Variants in TTC7B observed in about 807,000 individuals in gnomAD.
TTC7B encodes the protein tetratricopeptide repeat domain 7B.
Under a neutral mutation model 106.8 loss-of-function variants are expected in TTC7B, and 28 were observed. The observed-to-expected ratio is 0.26, with a 90% CI of 0.19 to 0.36. The LOEUF is 0.36. Among genes scored for constraint, TTC7B ranks in the 10% least tolerant of loss-of-function variants. TTC7B has a pLI of 1.00. For synonymous variants in TTC7B, 405 were observed against 430.6 expected, an observed-to-expected ratio of 0.94 and a Z score of 0.74; for missense variants, 862 against 1,076.4, an observed-to-expected ratio of 0.80 and a Z score of 2.79.
At chr14:90,755,532 A>T (rs933630288) in intron 3 of TTC7B, among the ~76,000 whole-genome samples, 2 of 152,164 alleles carry the variant, frequency 1.3e-5, no homozygotes, top group African/African-American at 4.8e-5. Flanking sequence ...GGTAGTGCAC[A>T]CATGTAGTCC....
intron 1 of TTC7B, among the ~76,000 whole-genome samples, chr14:90,790,375 G>A (rs1450926456): frequency 6.6e-6 from 1 of 151,424 alleles, no homozygotes; most frequent in Non-Finnish European, 1.5e-5. Flanking sequence ...TGAGTGGTAA[G>A]ACTATCCATC....
At chr14:90,763,730 T>C (rs1357566198) in intron 3 of TTC7B, among the ~76,000 whole-genome samples, 1 of 152,098 alleles carries the variant, frequency 6.6e-6, no homozygotes, top group Non-Finnish European at 1.5e-5. Context: ...CAATCTGAAA[T>C]TTAAAAAATA....
chr14:90,767,911 A>G (rs952728455), intron 3 of TTC7B, among the ~76,000 whole-genome samples: 11 of 152,238 alleles, frequency 7.2e-5, no homozygotes. Context: ...AGTGAAAAGT[A>G]CAATTATCAT....
intron 19 of TTC7B, among the ~76,000 whole-genome samples, chr14:90,553,698 G>C (rs146585052): frequency 1.3e-4 from 20 of 152,168 alleles, no homozygotes; most frequent in African/African-American, 4.6e-4. Context: ...AACAGCGCAC[G>C]CTCCCTCTCT....
At chr14:90,605,656 A>T in intron 17 of TTC7B, 2 of 1,289,340 alleles carry the variant, frequency 1.6e-6, no homozygotes, top group Non-Finnish European at 2.0e-6. Flanking sequence ...AGGGGGCCAC[A>T]CAAAGGTATC....
At chr14:90,699,079 T>A in intron 5 of TTC7B, 1 of 437,470 alleles carries the variant, frequency 2.3e-6, no homozygotes, top group South Asian at 1.6e-5. Context: ...TGGCGATAGG[T>A]TCCAGTTCCC....
intron 16 of TTC7B, 71 bp downstream of exon 16, chr14:90,617,858 A>C: frequency 8.3e-7 from 1 of 1,203,120 alleles, no homozygotes; most frequent in Non-Finnish European, 1.2e-6. Context: ...GCTAAATGCC[A>C]ATCAGAGAAG....
At chr14:90,695,368 T>C in intron 6 of TTC7B, 132 bp downstream of exon 6, 1 of 376,114 alleles carries the variant, frequency 2.7e-6, no homozygotes, top group Non-Finnish European at 4.8e-6. Context: ...GTATAATGCA[T>C]ATATGTCACA....
intron 5 of TTC7B, among the ~76,000 whole-genome samples, chr14:90,710,598 T>C (rs1323225650): frequency 2.6e-5 from 4 of 152,168 alleles, no homozygotes; most frequent in South Asian, 4.1e-4. Flanking sequence ...CACTTCATTG[T>C]TGTCTTATTT....
At chr14:90,686,505 C>T (rs966127313) in intron 7 of TTC7B, among the ~76,000 whole-genome samples, 1 of 152,106 alleles carries the variant, frequency 6.6e-6, no homozygotes, top group Non-Finnish European at 1.5e-5. Context: ...AAATAAAATG[C>T]ATCTAGGTTA....
At chr14:90,776,131 GC>G (rs1207883475) in intron 3 of TTC7B, among the ~76,000 whole-genome samples, 1 of 121,554 alleles carries the variant, frequency 8.2e-6, no homozygotes, top group East Asian at 2.6e-4. Flanking sequence ...GCAGGAGAGG[GC>G]CCCCCGTGAC....
chr14:90,766,135 G>GTTT (rs3085720), intron 3 of TTC7B, among the ~76,000 whole-genome samples: 4,978 of 143,388 alleles, frequency 0.035, 147 homozygotes, highest in African/African-American at 0.075. Flanking sequence ...AGCCTACAAC[G>GTTT]TTTTTTTTTT....
chr14:90,645,278 T>G (rs1885390026), intron 14 of TTC7B: 1 of 152,206 alleles, frequency 6.6e-6, no homozygotes, highest in Non-Finnish European at 1.5e-5. Context: ...CTTGATGGAT[T>G]TAGGTTATAA....
intron 1 of TTC7B, among the ~76,000 whole-genome samples, chr14:90,798,224 G>C (rs2030001041): frequency 6.6e-6 from 1 of 152,196 alleles, no homozygotes; most frequent in Non-Finnish European, 1.5e-5. Context: ...GCGTAAGAGA[G>C]CCCAGCCAAG....
chr14:90,615,873 A>T (rs1183787691), intron 16 of TTC7B, among the ~76,000 whole-genome samples: 1 of 152,042 alleles, frequency 6.6e-6, no homozygotes, highest in African/African-American at 2.4e-5. Flanking sequence ...ATTCTGAGTG[A>T]CCACTGGGGC....
intron 4 of TTC7B, among the ~76,000 whole-genome samples, chr14:90,736,010 G>A (rs773208691): frequency 2.4e-4 from 37 of 151,892 alleles, no homozygotes; most frequent in South Asian, 1.0e-3. Context: ...TGTCATGTTG[G>A]TACAACACAA....
Position 90,657,400 on chromosome 14 carries a change from C to CCCGCTTGCTTGGGCTTA in TTC7B, c.1237-123_1237-122insTAAGCCCAAGCAAGCGG. 1 of 854,736 alleles carries CCCGCTTGCTTGGGCTTA rather than the reference C, an allele frequency of 1.2e-6. No individual in the cohort carries two copies. The highest frequency in any genetic ancestry group is 1.8e-6 in the Non-Finnish European group (1 of 556,292). The allele number at this position is 854,736 out of a possible 1,614,324, so 52.9% of individuals were successfully genotyped here. ...TCGTGGGCTTGTCCAACTTTAAGCC[C>CCCGCTTGCTTGGGCTTA]AAGCAAGCGGGGGCCTGAGGTGCAT... is the stretch of plus-strand genomic sequence containing the variant. On this transcript the variant is annotated intron_variant, in intron 10 of 19. Coordinates refer to ENST00000328459, the MANE Select transcript of TTC7B (RefSeq NM_001010854.2). This position sits in a 1 kb window ranked among gnomAD's most constrained non-coding sequence, Gnocchi z 4.2.
chr14:90,654,914 G>T, intron 12 of TTC7B, 79 bp downstream of exon 12: 1 of 1,142,532 alleles, frequency 8.8e-7, no homozygotes, highest in South Asian at 1.3e-5. Flanking sequence ...GACAGAAGGG[G>T]ACTGTGGGAA....
rs2030567039 is a variant in TTC7B, at chr14:90,805,752, T to C, written c.121+10423A>G. On this transcript the variant is annotated intron_variant, in intron 1 of 19. Coordinates refer to ENST00000328459, the MANE Select transcript of TTC7B (RefSeq NM_001010854.2). The surrounding 1 kb of genome is among the most constrained non-coding windows in gnomAD (Gnocchi z 4.0). Reference sequence around the variant, plus strand: ...ATAGAGACCACTAGTGAGACTCTCATCAAAGAGATATGGGGAATTAGCCGC... The same window carrying C: ...ATAGAGACCACTAGTGAGACTCTCACCAAAGAGATATGGGGAATTAGCCGC... Among the ~76,000 whole-genome samples the C allele has an allele frequency of 6.6e-6, 1 of 152,196 alleles. No individual in the cohort carries two copies. Among genetic ancestry groups the C allele is most frequent in the Non-Finnish European group, 1.5e-5 (1 of 68,040 alleles).
Sources: gnomAD v4.1 joint callset for allele counts (sites outside exome capture counted in the v4.1 genomes callset) on GRCh38, gnomAD v4.1.1 for gene constraint, Gnocchi (gnomAD v3.1) non-coding constraint, MANE v1.5 for transcripts, NCBI Gene and HGNC (gene_info 2026-07-23, HGNC 2026-07-21) for gene names.